The following DPH6 variants were observed in gnomAD, a reference collection of about 807,000 sequenced individuals.
DPH6 encodes the protein diphthine--ammonia ligase.
Under a neutral mutation model 38.2 loss-of-function variants are expected in DPH6, and 33 were observed. The ratio of observed to expected loss-of-function variants is 0.86; its 90% confidence interval spans 0.65 to 1.15. The LOEUF (loss-of-function observed/expected upper bound fraction) is 1.15. Among genes scored for constraint, DPH6 ranks in the 50% most tolerant of loss-of-function variants. The pLI is 0.00. For synonymous variants in DPH6, 108 were observed against 103.0 expected (o/e 1.05, Z -0.30); for missense variants, 325 against 320.0 (o/e 1.02, Z -0.12).
intron 3 of DPH6, among the ~76,000 whole-genome samples, chr15:35,350,348 A>G (rs1487982030): frequency 7.2e-6 from 1 of 139,754 alleles, no homozygotes; most frequent in Non-Finnish European, 1.5e-5. Flanking sequence ...TAGTCTAGCT[A>G]AGGGTTTGTT....
chr15:35,539,141 C>T (rs1015619315), intron 2 of DPH6, among the ~76,000 whole-genome samples: 1 of 151,940 alleles, frequency 6.6e-6, no homozygotes, highest in Non-Finnish European at 1.5e-5. Context: ...AGATGAGTCA[C>T]ATCAGAGCTC....
chr15:35,415,909 A>G (rs1435522529), intron 5 of DPH6, among the ~76,000 whole-genome samples: 3 of 152,142 alleles, frequency 2.0e-5, no homozygotes, highest in Non-Finnish European at 4.4e-5. Flanking sequence ...AATATTTAAG[A>G]GCCAAATTTC....
chr15:35,372,380 A>C, intron 8 of DPH6, 177 bp from the exon 9 acceptor site: 1 of 444,424 alleles, frequency 2.3e-6, no homozygotes, highest in Non-Finnish European at 3.8e-6. Flanking sequence ...CAAATACCAA[A>C]ACAACGAGGT....
intron 5 of DPH6, among the ~76,000 whole-genome samples, chr15:35,413,903 G>C (rs1376985060): frequency 6.6e-6 from 1 of 151,546 alleles, no homozygotes; most frequent in South Asian, 2.1e-4. Flanking sequence ...ATGCTATAGA[G>C]TGAATTTCTA....
chr15:35,420,581 AC>A (rs2053492638), intron 5 of DPH6, among the ~76,000 whole-genome samples: 1 of 152,080 alleles, frequency 6.6e-6, no homozygotes, highest in East Asian at 1.9e-4. Flanking sequence ...CAGTGGCACG[AC>A]CTCAGCCCAC....
the DPH6 span, among the ~76,000 whole-genome samples, chr15:35,200,855 T>C: frequency 1.3e-5 from 2 of 151,716 alleles, no homozygotes; most frequent in African/African-American, 4.8e-5. Flanking sequence ...ATGATTGCTT[T>C]AAGGACCAAA....
At chr15:35,187,525 T>C in the DPH6 span, among the ~76,000 whole-genome samples, 3 of 152,196 alleles carry the variant, frequency 2.0e-5, no homozygotes, top group Non-Finnish European at 4.4e-5. Flanking sequence ...TTACTAGTGT[T>C]TATGCCCAGC....
intron 3 of DPH6, among the ~76,000 whole-genome samples, chr15:35,499,993 T>G (rs1266998237): frequency 2.0e-5 from 3 of 152,168 alleles, no homozygotes; most frequent in Admixed American, 6.5e-5. Context: ...TTTTCCACAG[T>G]GCAAAGAGGT....
At chr15:35,501,208 A>AAG (rs1233151895) in intron 3 of DPH6, among the ~76,000 whole-genome samples, 1 of 152,194 alleles carries the variant, frequency 6.6e-6, no homozygotes, top group Non-Finnish European at 1.5e-5. Flanking sequence ...CAGTAATAAT[A>AAG]AGATACAGAA....
At chr15:35,400,945 C>A in intron 6 of DPH6, 2 of 1,038,202 alleles carry the variant, frequency 1.9e-6, no homozygotes, top group Non-Finnish European at 3.0e-6. Flanking sequence ...GTTGTGGAAC[C>A]AAAGAGAGCT....
At chr15:35,360,473 G>A (rs1176932533) in intron 3 of DPH6, among the ~76,000 whole-genome samples, 1 of 152,212 alleles carries the variant, frequency 6.6e-6, no homozygotes, top group Non-Finnish European at 1.5e-5. Context: ...AACCACAATA[G>A]ATGGGGGATA....
intron 3 of DPH6, among the ~76,000 whole-genome samples, chr15:35,268,826 G>A (rs1242009409): frequency 6.6e-6 from 1 of 152,014 alleles, no homozygotes; most frequent in African/African-American, 2.4e-5. Context: ...GGCACATGAG[G>A]AGGAAAATCA....
At chr15:35,249,764 G>C (rs563728215) in intron 3 of DPH6, among the ~76,000 whole-genome samples, 15 of 152,238 alleles carry the variant, frequency 9.9e-5, no homozygotes, top group African/African-American at 2.9e-4. Context: ...AAGTTTGTGT[G>C]ATATGTTAGA....
chr15:35,287,153 A>T (rs1035688481), intron 3 of DPH6, among the ~76,000 whole-genome samples: 1 of 152,178 alleles, frequency 6.6e-6, no homozygotes, highest in East Asian at 1.9e-4. Flanking sequence ...GGCTTTGTTT[A>T]AAAAAATCTT....
intron 3 of DPH6, among the ~76,000 whole-genome samples, chr15:35,352,763 C>T (rs1357321173): frequency 6.6e-6 from 1 of 152,144 alleles, no homozygotes; most frequent in Non-Finnish European, 1.5e-5. Context: ...GTCTTTAGAG[C>T]AGCATGATTT....
chr15:35,335,821 G>A (rs2052367145), intron 3 of DPH6, among the ~76,000 whole-genome samples: 1 of 152,108 alleles, frequency 6.6e-6, no homozygotes, highest in Non-Finnish European at 1.5e-5. Context: ...ATAGCACAAT[G>A]CCTCCAGCTT....
At chr15:35,539,051 A>G (rs1004706867) in intron 2 of DPH6, among the ~76,000 whole-genome samples, 3 of 152,062 alleles carry the variant, frequency 2.0e-5, no homozygotes, top group African/African-American at 7.2e-5. Context: ...TAGAAATATG[A>G]TATCTTAAGC....
chr15:35,271,147 A>G (rs2051819723), intron 3 of DPH6, among the ~76,000 whole-genome samples: 1 of 152,224 alleles, frequency 6.6e-6, no homozygotes, highest in Non-Finnish European at 1.5e-5. Context: ...CTTCTTTCAC[A>G]GTGTGTAACT....
intron 3 of DPH6, among the ~76,000 whole-genome samples, chr15:35,239,696 C>A (rs866736949): frequency 7.9e-6 from 1 of 126,086 alleles, no homozygotes; most frequent in Non-Finnish European, 1.7e-5. Flanking sequence ...TTCTCCTTCA[C>A]CCTTAGTGGC....
Sources: gnomAD v4.1 joint callset for allele counts (sites outside exome capture counted in the v4.1 genomes callset) on GRCh38, gnomAD v4.1.1 for gene constraint, MANE v1.5 for transcripts, NCBI Gene and HGNC (gene_info 2026-07-23, HGNC 2026-07-21) for gene names.